Variants in GAS2 observed in about 807,000 individuals in gnomAD.
GAS2 encodes growth arrest-specific protein 2.
GAS2 carries 20 observed loss-of-function variants against 37.5 expected under a neutral mutation model. That is an observed-to-expected ratio of 0.53 (90% CI 0.37 to 0.77). The LOEUF is 0.77. GAS2 is among the 30% of genes least tolerant of loss of function. GAS2 has a pLI of 0.00. For synonymous variants in GAS2, 144 were observed against 132.2 expected (o/e 1.09, Z -0.61); for missense variants, 336 against 373.4 (o/e 0.90, Z 0.82).
intron 7 of GAS2, among the ~76,000 whole-genome samples, chr11:22,764,973 C>T (rs1014332127): frequency 1.3e-5 from 2 of 152,100 alleles, no homozygotes; most frequent in African/African-American, 4.8e-5. Flanking sequence ...TTTCTTTTGC[C>T]ATTATGCTGT....
chr11:22,811,770 T>C, intron 7 of GAS2, 28 bp from the exon 8 acceptor site: 1 of 1,603,170 alleles, frequency 6.2e-7, no homozygotes. Flanking sequence ...TCTCGGAATT[T>C]AACACTTTTG....
At chr11:22,698,069 T>C (rs911605675) in intron 3 of GAS2, among the ~76,000 whole-genome samples, 3 of 152,126 alleles carry the variant, frequency 2.0e-5, no homozygotes, top group African/African-American at 7.2e-5. Flanking sequence ...CAGTATGATA[T>C]TGGCTATGGA....
chr11:22,718,679 T>TAAA, intron 3 of GAS2, among the ~76,000 whole-genome samples: 1 of 151,766 alleles, frequency 6.6e-6, no homozygotes, highest in East Asian at 1.9e-4. Flanking sequence ...ATAATAATAA[T>TAAA]AAATATTAAA....
At chr11:22,805,996 A>G (rs1375686708) in intron 7 of GAS2, among the ~76,000 whole-genome samples, 1 of 152,042 alleles carries the variant, frequency 6.6e-6, no homozygotes, top group Admixed American at 6.6e-5. Context: ...TGTATCAGCA[A>G]GGTTTTTATG....
intron 7 of GAS2, among the ~76,000 whole-genome samples, chr11:22,760,057 A>G (rs986735704): frequency 6.6e-6 from 1 of 152,212 alleles, no homozygotes; most frequent in Non-Finnish European, 1.5e-5. Flanking sequence ...TCCCAGGTTC[A>G]AGCGATTCTT....
intron 7 of GAS2, among the ~76,000 whole-genome samples, chr11:22,806,036 A>G (rs920599376): frequency 1.3e-5 from 2 of 152,050 alleles, no homozygotes; most frequent in African/African-American, 2.4e-5. Context: ...CTTATCCTAT[A>G]TCTGATCCTA....
intron 3 of GAS2, among the ~76,000 whole-genome samples, chr11:22,695,474 T>A (rs1388278542): frequency 6.6e-6 from 1 of 152,104 alleles, no homozygotes; most frequent in Non-Finnish European, 1.5e-5. Context: ...CCCTCCCTGT[T>A]TCCTGGGAGG....
intron 3 of GAS2, among the ~76,000 whole-genome samples, chr11:22,692,042 G>A (rs191381221): frequency 1.1e-3 from 170 of 151,998 alleles, no homozygotes; most frequent in East Asian, 7.5e-3. Context: ...CAATGCCATA[G>A]CAATACATGT....
chr11:22,694,641 C>A (rs778338242), intron 3 of GAS2, among the ~76,000 whole-genome samples: 1 of 152,148 alleles, frequency 6.6e-6, no homozygotes, highest in South Asian at 2.1e-4. Flanking sequence ...GCTTTTTGTG[C>A]CATTTAGTGT....
At chr11:22,804,778 G>T (rs1856813006) in intron 7 of GAS2, among the ~76,000 whole-genome samples, 1 of 152,074 alleles carries the variant, frequency 6.6e-6, no homozygotes, top group Non-Finnish European at 1.5e-5. Flanking sequence ...TGAAGTCATT[G>T]GTAGGCTGAT....
chr11:22,641,067 C>T (rs574970624), intron 1 of GAS2, among the ~76,000 whole-genome samples: 3 of 151,416 alleles, frequency 2.0e-5, no homozygotes. Context: ...AGGCCTTGTT[C>T]CCTTGCACTC....
chr11:22,658,809 C>T (rs1276911576), intron 1 of GAS2, among the ~76,000 whole-genome samples: 3 of 152,174 alleles, frequency 2.0e-5, no homozygotes, highest in Non-Finnish European at 4.4e-5. Context: ...CCTCTCCTCT[C>T]ATTTATTGAT....
chr11:22,729,872 T>C (rs577411763), intron 4 of GAS2, among the ~76,000 whole-genome samples: 2 of 151,902 alleles, frequency 1.3e-5, no homozygotes, highest in South Asian at 4.2e-4. Flanking sequence ...AATTGGAAAT[T>C]GGCATGCTTT....
intron 3 of GAS2, among the ~76,000 whole-genome samples, chr11:22,698,549 A>G (rs4923018): frequency 0.91 from 136,557 of 149,894 alleles, 63,466 homozygotes; most frequent in East Asian, 1. Flanking sequence ...CACCAAAGCC[A>G]GGCAGAGACA....
At chr11:22,669,043 A>G (rs1849098626) in intron 1 of GAS2, among the ~76,000 whole-genome samples, 3 of 152,010 alleles carry the variant, frequency 2.0e-5, no homozygotes, top group Admixed American at 2.0e-4. Flanking sequence ...TTTCAGCATC[A>G]ATACAATTAA....
chr11:22,646,364 T>C (rs1381941430), intron 1 of GAS2, among the ~76,000 whole-genome samples: 1 of 152,220 alleles, frequency 6.6e-6, no homozygotes, highest in Non-Finnish European at 1.5e-5. Flanking sequence ...AGGATCAATT[T>C]ACCTTTTATT....
chr11:22,778,362 A>G (rs755185560), intron 7 of GAS2, among the ~76,000 whole-genome samples: 5 of 152,220 alleles, frequency 3.3e-5, no homozygotes, highest in Non-Finnish European at 7.3e-5. Flanking sequence ...GTTAAGGAGT[A>G]TATTTTCTGA....
At chr11:22,708,255 G>A (rs1283961842) in intron 3 of GAS2, among the ~76,000 whole-genome samples, 1 of 152,028 alleles carries the variant, frequency 6.6e-6, no homozygotes, top group African/African-American at 2.4e-5. Context: ...TATGTAGGTG[G>A]ATATTATGGA....
At chr11:22,708,400 T>G (rs1008478261) in intron 3 of GAS2, among the ~76,000 whole-genome samples, 1 of 152,194 alleles carries the variant, frequency 6.6e-6, no homozygotes, top group Admixed American at 6.6e-5. Flanking sequence ...TGCACTTAAA[T>G]TTTACCATAT....
Sources: gnomAD v4.1 joint callset for allele counts (sites outside exome capture counted in the v4.1 genomes callset) on GRCh38, gnomAD v4.1.1 for gene constraint, MANE v1.5 for transcripts, NCBI Gene and HGNC (gene_info 2026-07-23, HGNC 2026-07-21) for gene names.